CHD7: variants seen among roughly 807,000 people sequenced by gnomAD.
CHD7 encodes the protein ATP-dependent chromatin remodeler CHD7.
Under a neutral mutation model 307.3 loss-of-function variants are expected in CHD7, and 24 were observed. The observed-to-expected ratio is 0.08, with a 90% confidence interval of 0.06 to 0.11. The LOEUF (loss-of-function observed/expected upper bound fraction) is 0.11, where lower values mean the gene tolerates loss of function less well. Ranked by LOEUF, CHD7 falls within the 10% of genes least tolerant of loss-of-function variation. The pLI, the probability that CHD7 is intolerant of heterozygous loss-of-function variation, is 1.00. For missense variants in CHD7, 3,106 were observed against 3,727.1 expected (o/e 0.83, Z 4.34); for synonymous variants, 1,363 against 1,349.9 (o/e 1.01, Z -0.21).
At chr8:60,760,603 G>A (rs1470359051) in intron 2 of CHD7, among the ~76,000 whole-genome samples, 2 of 148,100 alleles carry the variant, frequency 1.4e-5, no homozygotes. Flanking sequence ...ATCTGACAAA[G>A]GGCTAATATC....
chr8:60,803,368 A>G (rs980542001), intron 6 of CHD7, among the ~76,000 whole-genome samples: 4 of 152,166 alleles, frequency 2.6e-5, no homozygotes, highest in African/African-American at 4.8e-5. Context: ...TATGTAGAAC[A>G]TTGCTTTTTC....
chr8:60,781,808 A>G lies in CHD7; in HGVS notation c.2096+378A>G, dbSNP rs868448137. 3.3e-5 allele frequency among the ~76,000 whole-genome samples: 5 copies of G among 152,356 alleles called. No individual in the cohort carries two copies. The South Asian group carries it at 8.3e-4, about 25-fold the overall frequency. On this transcript the variant is annotated intron_variant, in intron 3 of 37. Coordinates refer to ENST00000423902, the MANE Select transcript of CHD7 (RefSeq NM_017780.4). ...GAAGGATTATAGAAGAAAGGTCACT[A>G]TATTTCACTAAGCATTCCAGCCCTT...
chr8:60,809,634 C>T (rs533130444), intron 7 of CHD7: 5 of 96,466 alleles, frequency 5.2e-5, no homozygotes, highest in African/African-American at 1.7e-4. Flanking sequence ...TAGCCCTCCT[C>T]AAAAGTCATT....
intron 34 of CHD7, among the ~76,000 whole-genome samples, chr8:60,860,103 G>A (rs901909950): frequency 1.3e-5 from 2 of 152,184 alleles, no homozygotes; most frequent in Admixed American, 1.3e-4. Context: ...TTCAGTTAGT[G>A]GTGGTCTTTC....
chr8:60,753,793 T>G (rs1251190478), intron 2 of CHD7, among the ~76,000 whole-genome samples: 1 of 151,586 alleles, frequency 6.6e-6, no homozygotes, highest in Non-Finnish European at 1.5e-5. Context: ...CCTGGCTGAT[T>G]TTTGTATTTT....
At chr8:60,760,968 T>C (rs1810167079) in intron 2 of CHD7, among the ~76,000 whole-genome samples, 1 of 152,158 alleles carries the variant, frequency 6.6e-6, no homozygotes, top group Non-Finnish European at 1.5e-5. Context: ...GAAATACCAT[T>C]TGACCCAGCC....
intron 2 of CHD7, among the ~76,000 whole-genome samples, chr8:60,762,532 T>C (rs1471540537): frequency 6.6e-6 from 1 of 152,236 alleles, no homozygotes; most frequent in East Asian, 1.9e-4. Flanking sequence ...AACATGGGAA[T>C]CATACTTGGA....
chr8:60,708,336 G>A lies in CHD7; in HGVS notation c.-175+29254G>A, dbSNP rs551188374. 1.2e-4 allele frequency among the ~76,000 whole-genome samples: 18 copies of A among 152,200 alleles called. 1 individual carries two copies. In the East Asian group the frequency reaches 1.5e-3, roughly 13 times the overall value. ...ACTTTCTCTCCTGTTGCAATCCTCT[G>A]TATCCAGAATGTTGGCAAAGTCTGT... On this transcript the variant is annotated intron_variant, in intron 1 of 37. Transcript: ENST00000423902.
At chr8:60,715,529 G>C (rs1432562856) in intron 1 of CHD7, among the ~76,000 whole-genome samples, 2 of 152,046 alleles carry the variant, frequency 1.3e-5, no homozygotes, top group African/African-American at 4.8e-5. Context: ...ATGTTGGCCA[G>C]GCTGGTCTCA....
At chr8:60,788,366 C>T (rs958927112) in intron 3 of CHD7, among the ~76,000 whole-genome samples, 21 of 152,082 alleles carry the variant, frequency 1.4e-4, no homozygotes, top group Non-Finnish European at 2.8e-4. Flanking sequence ...GTCTCGAACT[C>T]CTGGCCTCAA....
In CHD7 at chr8:60,866,145, G is replaced by A. The variant is rs1806235826; in HGVS notation, c.*212G>A. On this transcript the variant is annotated 3_prime_UTR_variant, in exon 38 of 38. Coordinates refer to ENST00000423902, the MANE Select transcript of CHD7 (RefSeq NM_017780.4). The stretch of plus-strand genomic sequence containing the variant: ...TGCATTATTTATTATCCCTAGGAGA[G>A]ATGAAATTTGAGAGGTGATCATGTC... 2 of 418,592 alleles carry A rather than the reference G, an allele frequency of 4.8e-6. No homozygotes were observed. Among genetic ancestry groups the A allele is most frequent in the Non-Finnish European group, 8.5e-6 (2 of 236,548 alleles). 25.9% of individuals were successfully genotyped at this position (418,592 alleles called of 1,614,324 possible).
intron 2 of CHD7, among the ~76,000 whole-genome samples, chr8:60,755,598 A>C (rs1809853245): frequency 6.6e-6 from 1 of 152,112 alleles, no homozygotes; most frequent in Non-Finnish European, 1.5e-5. Context: ...GTAAACAGAA[A>C]ACCTATTTAT....
intron 1 of CHD7, among the ~76,000 whole-genome samples, chr8:60,740,268 C>T (rs1012142896): frequency 3.3e-5 from 5 of 152,182 alleles, no homozygotes; most frequent in African/African-American, 9.7e-5. Flanking sequence ...GGACTTAAGG[C>T]AATGGTGAGG....
In CHD7 at chr8:60,853,323, G is replaced by A. The variant is rs747357928; in HGVS notation, c.6598G>A (p.Gly2200Arg). Residue 2200 changes from glycine to arginine, a missense_variant, in exon 31 of 38, where the codon GGG becomes AGG. This residue lies in a region of CHD7 where 1,030 missense variants were observed against 1,165.4 expected (regional missense o/e 0.88). Transcript: ENST00000423902. ...AGAGGAAGAAGAAACCGATGGCAGC[G>A]GGAAGGAGAGCAAGCAGGAATGTGA... ...KEEEEETDGS[G>R]KESKQECEAE... The A allele has an allele frequency of 1.6e-5, 25 of 1,599,610 alleles. No individual in the cohort carries two copies. The highest frequency in any genetic ancestry group is 2.7e-5 in the African/African-American group (2 of 74,098).
rs1171111094 is a variant in CHD7, at chr8:60,866,216, G to C, written c.*283G>C. 4.0e-6 allele frequency: 1 copy of C among 251,332 alleles called. No homozygotes were observed. Among genetic ancestry groups the C allele is most frequent in the Non-Finnish European group, 7.6e-6 (1 of 132,102 alleles). 15.6% of individuals were successfully genotyped at this position (251,332 alleles called of 1,614,324 possible). On this transcript the variant is annotated 3_prime_UTR_variant, in exon 38 of 38. Coordinates refer to ENST00000423902, the MANE Select transcript of CHD7 (RefSeq NM_017780.4). ...ATGCTCTGCTTTTTTTTTTTCTCTT[G>C]GTACCATTGGTATTATAATAAAGAG...
chr8:60,685,747 G>A (rs1805852321), intron 1 of CHD7, among the ~76,000 whole-genome samples: 1 of 152,192 alleles, frequency 6.6e-6, no homozygotes, highest in Admixed American at 6.5e-5. Context: ...CAGTTATTAT[G>A]AAAAGTAGAT....
chr8:60,739,523 A>G (rs933563072), intron 1 of CHD7, among the ~76,000 whole-genome samples: 3 of 152,116 alleles, frequency 2.0e-5, no homozygotes, highest in Non-Finnish European at 4.4e-5. Flanking sequence ...TGCTCACCTT[A>G]TTTTCACCCA....
chr8:60,717,049 T>TTC (rs1554576989), intron 1 of CHD7, among the ~76,000 whole-genome samples: 37 of 148,334 alleles, frequency 2.5e-4, no homozygotes, highest in Non-Finnish European at 4.6e-4. Flanking sequence ...TTTTTTTTTT[T>TTC]TCCTGGAGTA....
chr8:60,751,059 A>G (rs1399100828), intron 2 of CHD7, among the ~76,000 whole-genome samples: 1 of 152,252 alleles, frequency 6.6e-6, no homozygotes, highest in Non-Finnish European at 1.5e-5. Context: ...TGAGTTTCAA[A>G]GAAGGCTACA....
Sources: allele counts gnomAD v4.1 joint callset (sites outside exome capture counted in the v4.1 genomes callset), GRCh38; gene constraint gnomAD v4.1.1; regional missense constraint gnomAD v4.1.1; transcripts MANE v1.5; gene names NCBI Gene and HGNC (gene_info 2026-07-23, HGNC 2026-07-21).